OR14A16: variants seen among roughly 807,000 people sequenced by gnomAD.
OR14A16 encodes the protein olfactory receptor family 14 subfamily A member 16.
For missense variants in OR14A16, 341 were observed against 366.5 expected (o/e 0.93, Z 0.57); for synonymous variants, 135 against 137.6 (o/e 0.98, Z 0.13).
In OR14A16 at chr1:247,823,946, A is replaced by G. The variant is rs1397151062; in HGVS notation, c.-131+7T>C. On this transcript the variant is annotated splice_region_variant and intron_variant, in intron 1 of 2. Coordinates refer to ENST00000641093, the MANE Select transcript of OR14A16 (RefSeq NM_001001966.2). Reference sequence around the variant, plus strand: ...AGCTGTAAAATTTAATACCGTTCCAACAATACCTTTACAATTGAAGTGGTG... The same window carrying G: ...AGCTGTAAAATTTAATACCGTTCCAGCAATACCTTTACAATTGAAGTGGTG... The G allele has an allele frequency of 1.3e-5, 2 of 152,236 alleles. No homozygotes were observed. The highest frequency in any genetic ancestry group is 2.9e-5 in the Non-Finnish European group (2 of 68,042). 9.4% of individuals were successfully genotyped at this position (152,236 alleles called of 1,614,324 possible).
Position 247,815,302 on chromosome 1 carries a change from G to A in OR14A16, c.428C>T (p.Ala143Val). ...ACCCCCATACAGCCAAGACACAGTG[G>A]CTCTTTGGACACAGGTGCTCCTGTC... ...IMDRSTCVQR[A>V]TVSWLYGGLI... The change falls in exon 3 of 3, where the codon GCC (alanine) becomes GTC (valine). Residue 143 changes from alanine to valine, a missense_variant. Transcript: ENST00000641093. 6.2e-7 allele frequency: 1 copy of A among 1,614,104 alleles called. No homozygotes were observed. The highest frequency in any genetic ancestry group is 1.1e-5 in the South Asian group (1 of 91,066).
intron 1 of OR14A16, among the ~76,000 whole-genome samples, chr1:247,819,854 C>T (rs1415088625): frequency 6.6e-6 from 1 of 152,168 alleles, no homozygotes; most frequent in Admixed American, 6.5e-5. Context: ...TTAAACTTTT[C>T]ATTCTTGCAA....
rs772255559 is a variant in OR14A16 at position 247,815,444 on chromosome 1, C to T, written c.286G>A (p.Val96Ile). Residue 96 changes from valine to isoleucine, a missense_variant, in exon 3 of 3, where the codon GTT becomes ATT. By Grantham distance (29) the Val-to-Ile change is conservative. Transcript: ENST00000641093. ...GAAAGCAACAAAAAGACCTGGGAAA[C>T]ACAGCCAAGGAATGAAATGGAGTTG... is the stretch of plus-strand genomic sequence containing the variant. ...HNNSISFLGC[V>I]SQVFLLLSSA... The T allele has an allele frequency of 3.1e-6, 5 of 1,613,944 alleles. No homozygotes were observed. Among genetic ancestry groups the T allele is most frequent in the Non-Finnish European group, 4.2e-6 (5 of 1,180,000 alleles).
chr1:247,822,311 TGGC>T (rs138716846), intron 1 of OR14A16, among the ~76,000 whole-genome samples: 15,768 of 28,548 alleles, frequency 0.55, 1,986 homozygotes, highest in African/African-American at 0.59. Flanking sequence ...TGTGTGTGTG[TGGC>T]GGGGGGGGAG....
At chr1:247,815,818 T>C in intron 2 of OR14A16, 74 bp from the exon 3 acceptor site, 2 of 618,784 alleles carry the variant, frequency 3.2e-6, no homozygotes, top group East Asian at 2.8e-5. Context: ...ATAACACATA[T>C]ATTATTTAGC....
chr1:247,823,762 C>G (rs1662788698), intron 1 of OR14A16, among the ~76,000 whole-genome samples, 191 bp downstream of exon 1: 1 of 151,942 alleles, frequency 6.6e-6, no homozygotes, highest in African/African-American at 2.4e-5. Flanking sequence ...TGGAAGCATC[C>G]AGAATTGGAG....
intron 1 of OR14A16, 122 bp downstream of exon 1, chr1:247,823,831 T>C (rs1256073431): frequency 1.3e-5 from 2 of 152,032 alleles, no homozygotes; most frequent in East Asian, 3.9e-4. Context: ...GTTATTAATA[T>C]CATAAAATTG....
At chr1:247,820,746 G>T (rs185709247) in intron 1 of OR14A16, among the ~76,000 whole-genome samples, 104 of 151,644 alleles carry the variant, frequency 6.9e-4, no homozygotes, top group African/African-American at 2.4e-3. Context: ...CGTAATCCCA[G>T]CTACTGGGGA....
At chr1:247,823,183 T>G (rs1278624804) in intron 1 of OR14A16, among the ~76,000 whole-genome samples, 1 of 152,068 alleles carries the variant, frequency 6.6e-6, no homozygotes, top group Non-Finnish European at 1.5e-5. Flanking sequence ...TCTAGAGTTG[T>G]GTCATAATAT....
chr1:247,819,987 G>C (rs780174322), intron 1 of OR14A16, among the ~76,000 whole-genome samples: 7 of 152,148 alleles, frequency 4.6e-5, no homozygotes, highest in Non-Finnish European at 8.8e-5. Flanking sequence ...ATATTCTATG[G>C]TTTGGTCCTT....
Position 247,815,566 on chromosome 1 carries a change from G to A in OR14A16, c.164C>T (p.Thr55Ile). ...ATTCTTCAAGAAGAAATACACGGGG[G>A]TGTGGAGATGATGGTCCAAAGTTGT... ...MITTLDHHLH[T>I]PVYFFLKNLS... Residue 55 changes from threonine to isoleucine, a missense_variant, in exon 3 of 3, where the codon ACC (threonine) becomes ATC (isoleucine). By Grantham distance (89) the Thr-to-Ile change is moderately conservative. Coordinates refer to ENST00000641093, the MANE Select transcript of OR14A16 (RefSeq NM_001001966.2). 6.2e-7 allele frequency: 1 copy of A among 1,614,060 alleles called. No individual in the cohort carries two copies. Among genetic ancestry groups the A allele is most frequent in the East Asian group, 2.2e-5 (1 of 44,884 alleles).
Position 247,815,371 on chromosome 1 carries a change from C to T in OR14A16, c.359G>A (p.Arg120His), listed in dbSNP as rs754553727. 58 of 1,613,618 alleles carry T rather than the reference C, an allele frequency of 3.6e-5. 3 individuals carry two copies. The South Asian group carries it at 5.3e-4, about 15-fold the overall frequency. ...CAGAGGGTGACATATAGCAGTATAG[C>T]GGTCAAAGGACATCACCGTGAGGAG... ...LLLLTVMSFD[R>H]YTAICHPLHY... Residue 120 changes from arginine (R) to histidine (H), a missense_variant, in exon 3 of 3, where the codon CGC (arginine) becomes CAC (histidine). By Grantham distance (29) the Arg-to-His change is conservative. Transcript: ENST00000641093.
intron 2 of OR14A16, among the ~76,000 whole-genome samples, chr1:247,816,549 A>T (rs112373339): frequency 6.6e-6 from 1 of 152,078 alleles, no homozygotes; most frequent in Non-Finnish European, 1.5e-5. Flanking sequence ...CAACATGGCG[A>T]GACCCCATCT....
Position 247,814,821 on chromosome 1 carries a change from C to A in OR14A16, c.909G>T (p.Lys303Asn), listed in dbSNP as rs995142044. ...GCTTTTACTTTTTGGTGAGCTTTCC[C>A]TTTATCAACATCCCCAGAGCCACCT... ...AIKVALGMLIKGKLTKK is the reference protein window; with the variant it reads ...AIKVALGMLINGKLTKK The change falls in exon 3 of 3, where the codon AAG becomes AAT. Residue 303 changes from lysine (K) to asparagine (N), a missense_variant. Physicochemically the swap from Lys to Asn is moderately conservative, Grantham distance 94. Transcript: ENST00000641093. The A allele has an allele frequency of 6.4e-7, 1 of 1,566,208 alleles. No homozygotes were observed. The highest frequency in any genetic ancestry group is 8.6e-7 in the Non-Finnish European group (1 of 1,162,184).
Position 247,815,846 on chromosome 1 carries a change from C to T in OR14A16, c.-15-102G>A, listed in dbSNP as rs374382731. 16 of 533,974 alleles carry T rather than the reference C, an allele frequency of 3.0e-5. 1 individual carries two copies. Among genetic ancestry groups the T allele is most frequent in the African/African-American group, 1.1e-4 (6 of 52,346 alleles). 33.1% of individuals were successfully genotyped at this position (533,974 alleles called of 1,614,324 possible). On this transcript the variant is annotated intron_variant, in intron 2 of 2. Transcript: ENST00000641093. ...TATTTAGCATACTGAAACACACACA[C>T]GTACCACACGTATGGTAATTCCATG... is the stretch of plus-strand genomic sequence containing the variant.
intron 2 of OR14A16, 146 bp from the exon 3 acceptor site, chr1:247,815,890 T>A: frequency 2.1e-6 from 1 of 467,270 alleles, no homozygotes; most frequent in Non-Finnish European, 3.7e-6. Flanking sequence ...CCACAAAAAA[T>A]ACTTTCATCT....
At position 247,822,808 on chromosome 1, in the gene OR14A16, T is replaced by C. The variant is rs1041758258; in HGVS notation, c.-131+1145A>G. On this transcript the variant is annotated intron_variant, in intron 1 of 2. Transcript: ENST00000641093. ...TAAGAGTGAGGAAGCTTATTGGGTA[T>C]TCTAGGAGCAAAGACTGAACTTATC... Among the ~76,000 whole-genome samples the C allele has an allele frequency of 1.3e-4, 20 of 152,192 alleles. 1 individual carries two copies. Among genetic ancestry groups the C allele is most frequent in the Admixed American group, 8.5e-4 (13 of 15,274 alleles).
intron 1 of OR14A16, among the ~76,000 whole-genome samples, chr1:247,823,127 A>G (rs1039046881): frequency 5.3e-5 from 8 of 152,216 alleles, no homozygotes; most frequent in African/African-American, 1.9e-4. Context: ...ACATTCCACT[A>G]CTTTTACCAG....
chr1:247,822,936 T>C (rs1662767659), intron 1 of OR14A16, among the ~76,000 whole-genome samples: 2 of 152,220 alleles, frequency 1.3e-5, no homozygotes, highest in Non-Finnish European at 2.9e-5. Context: ...ATATAAAATA[T>C]TTGGCCAGCT....
Sources: allele counts gnomAD v4.1 joint callset (sites outside exome capture counted in the v4.1 genomes callset), GRCh38; gene constraint gnomAD v4.1.1; transcripts MANE v1.5; gene names NCBI Gene and HGNC (gene_info 2026-07-23, HGNC 2026-07-21).